Variants in SMIM31 observed in about 807,000 individuals in gnomAD.
The protein encoded by SMIM31 is human epithelial cell program regulator.
At chr4:164,795,825 G>A (rs1733188059) in intron 2 of SMIM31, among the ~76,000 whole-genome samples, 1 of 151,878 alleles carries the variant, frequency 6.6e-6, no homozygotes, top group South Asian at 2.1e-4. Flanking sequence ...AATATGCCGG[G>A]GCTGCATAGT....
intron 2 of SMIM31, among the ~76,000 whole-genome samples, chr4:164,793,637 G>T (rs557560448): frequency 3.4e-4 from 51 of 152,210 alleles, no homozygotes; most frequent in African/African-American, 1.2e-3. Context: ...TGAATGCAGG[G>T]AAAAAGAGCA....
intron 2 of SMIM31, among the ~76,000 whole-genome samples, chr4:164,798,651 G>A (rs955479804): frequency 6.6e-6 from 1 of 152,294 alleles, no homozygotes; most frequent in Admixed American, 6.5e-5. Context: ...CACAAAAGCT[G>A]ATGGTATAAT....
intron 2 of SMIM31, among the ~76,000 whole-genome samples, chr4:164,796,151 G>A (rs1398619673): frequency 2.0e-5 from 3 of 152,110 alleles, no homozygotes; most frequent in Non-Finnish European, 2.9e-5. Context: ...AGCCCATCAG[G>A]AGATGCACTA....
At chr4:164,785,131 C>A (rs1157267521) in intron 2 of SMIM31, among the ~76,000 whole-genome samples, 2 of 151,816 alleles carry the variant, frequency 1.3e-5, no homozygotes, top group African/African-American at 4.8e-5. Context: ...GAGGCTGAGG[C>A]AGGAGAATCA....
intron 2 of SMIM31, among the ~76,000 whole-genome samples, chr4:164,778,720 G>T (rs556742590): frequency 6.6e-6 from 1 of 152,142 alleles, no homozygotes; most frequent in Non-Finnish European, 1.5e-5. Context: ...GGCAGGAAGA[G>T]CTCGGTGAGC....
rs541955122 is a variant in SMIM31 at position 164,786,709 on chromosome 4, T to A, written c.113-14382T>A. Among the ~76,000 whole-genome samples the A allele has an allele frequency of 3.8e-4, 58 of 152,268 alleles. 1 individual carries two copies. Among genetic ancestry groups the A allele is most frequent in the Admixed American group, 1.2e-3 (18 of 15,302 alleles). ...AGTGGCAAGGCTTTATAGGTATAGA[T>A]CCAAGCCAATGAAGCCGGATTAAAT... On this transcript the variant is annotated intron_variant, in intron 2 of 2. Transcript: ENST00000507311.
rs182728834 is a variant in SMIM31, at chr4:164,765,681, G to A, written c.-25-4738G>A. ...AGGAAGCAACAGAAGTGGCATGCAC[G>A]TTGGTTAGTAGCCTTTAGACTTTTT... On this transcript the variant is annotated intron_variant, in intron 1 of 2. Transcript: ENST00000507311. 5.3e-5 allele frequency among the ~76,000 whole-genome samples: 8 copies of A among 151,000 alleles called. No homozygotes were observed. The East Asian group carries it at 1.4e-3, about 26-fold the overall frequency.
chr4:164,781,946 G>A (rs1348396339), intron 2 of SMIM31, among the ~76,000 whole-genome samples: 1 of 152,180 alleles, frequency 6.6e-6, no homozygotes, highest in African/African-American at 2.4e-5. Context: ...GATGATGCGT[G>A]ATACATTTGT....
At chr4:164,800,360 AC>A (rs1235080704) in intron 2 of SMIM31, among the ~76,000 whole-genome samples, 1 of 151,656 alleles carries the variant, frequency 6.6e-6, no homozygotes, top group Non-Finnish European at 1.5e-5. Flanking sequence ...CAGACGCGCC[AC>A]CATGCCTGAC....
intron 1 of SMIM31, among the ~76,000 whole-genome samples, chr4:164,761,920 C>G (rs896133326): frequency 2.8e-5 from 4 of 142,120 alleles, no homozygotes; most frequent in African/African-American, 1.1e-4. Flanking sequence ...AAGACTCCAC[C>G]TCAAATAAAT....
intron 2 of SMIM31, among the ~76,000 whole-genome samples, chr4:164,772,745 AT>A (rs1358370769): frequency 1.3e-5 from 2 of 150,982 alleles, no homozygotes; most frequent in Non-Finnish European, 3.0e-5. Context: ...CGCCCGGCTA[AT>A]TTTTTGTATT....
intron 2 of SMIM31, among the ~76,000 whole-genome samples, chr4:164,796,431 C>T (rs1733196426): frequency 1.3e-5 from 2 of 152,160 alleles, no homozygotes; most frequent in African/African-American, 4.8e-5. Context: ...GGGACTCAGT[C>T]CTTCCACCTC....
chr4:164,767,182 A>T (rs12510206), intron 1 of SMIM31, among the ~76,000 whole-genome samples: 57,867 of 152,036 alleles, frequency 0.38, 12,811 homozygotes, highest in Non-Finnish European at 0.49. Context: ...ATTTATAAAG[A>T]TCATTCCCTT....
chr4:164,780,277 A>G (rs763010810), intron 2 of SMIM31, among the ~76,000 whole-genome samples: 6 of 152,278 alleles, frequency 3.9e-5, no homozygotes, highest in Middle Eastern at 3.4e-3. Flanking sequence ...AATACAAAAA[A>G]TTAGCCAGGC....
At chr4:164,762,422 G>A (rs367551112) in intron 1 of SMIM31, among the ~76,000 whole-genome samples, 7 of 152,004 alleles carry the variant, frequency 4.6e-5, no homozygotes, top group African/African-American at 1.7e-4. Flanking sequence ...ATGATTGAAA[G>A]TATTCAATAT....
rs1733238012 is a variant in SMIM31 at position 164,798,464 on chromosome 4, A to T, written c.113-2627A>T. 2.0e-5 allele frequency among the ~76,000 whole-genome samples: 3 copies of T among 151,314 alleles called. No homozygotes were observed. The South Asian group carries it at 6.3e-4, about 32-fold the overall frequency. ...CACCATGTTAACCAGGATGGTCTTG[A>T]TCTCCTGACCTCGTGATCCGCCCAC... On this transcript the variant is annotated intron_variant, in intron 2 of 2. Coordinates refer to ENST00000507311, the MANE Select transcript of SMIM31 (RefSeq NM_001352885.1).
Position 164,802,614 on chromosome 4 carries a change from A to G in SMIM31, c.*1420A>G, listed in dbSNP as rs759342232. The stretch of plus-strand genomic sequence containing the variant: ...TTATCGTGGCAGGAAGGAATCCACA[A>G]TACAACCAAAGATACCTACCTGCAT... On this transcript the variant is annotated 3_prime_UTR_variant, in exon 3 of 3. Transcript: ENST00000507311. 7 of 152,360 alleles carry G rather than the reference A, an allele frequency of 4.6e-5. No individual in the cohort carries two copies. The highest frequency in any genetic ancestry group is 3.4e-3 in the Middle Eastern group (1 of 294). The allele number at this position is 152,360 out of a possible 1,614,324, so 9.4% of individuals were successfully genotyped here.
intron 2 of SMIM31, among the ~76,000 whole-genome samples, chr4:164,774,091 G>T (rs1165620110): frequency 6.6e-6 from 1 of 151,680 alleles, no homozygotes; most frequent in Non-Finnish European, 1.5e-5. Context: ...GCATGAACCC[G>T]GGAGGTGGAG....
At chr4:164,783,608 G>A (rs1471855803) in intron 2 of SMIM31, among the ~76,000 whole-genome samples, 1 of 130,758 alleles carries the variant, frequency 7.6e-6, no homozygotes, top group African/African-American at 3.6e-5. Context: ...TTTTCTTCAT[G>A]CTTCTTAGAA....
Sources: allele counts gnomAD v4.1 joint callset (sites outside exome capture counted in the v4.1 genomes callset), GRCh38; gene constraint gnomAD v4.1.1; transcripts MANE v1.5; gene names NCBI Gene and HGNC (gene_info 2026-07-23, HGNC 2026-07-21).